The following OSBPL10 variants were observed in gnomAD, a reference collection of about 807,000 sequenced individuals.
OSBPL10 encodes oxysterol-binding protein-related protein 10.
In OSBPL10, 49 loss-of-function variants were observed where a neutral mutation model predicts 81.7. The observed-to-expected ratio is 0.60, with a 90% CI of 0.48 to 0.76. The LOEUF (loss-of-function observed/expected upper bound fraction) is 0.76, where lower values mean the gene tolerates loss of function less well. Ranked by LOEUF, OSBPL10 falls within the 30% of genes least tolerant of loss-of-function variation. OSBPL10 has a pLI of 0.00. For missense variants in OSBPL10, 923 were observed against 987.8 expected, an observed-to-expected ratio of 0.93 and a Z score of 0.88; for synonymous variants, 419 against 383.6, an observed-to-expected ratio of 1.09 and a Z score of -1.08.
At chr3:31,866,444 G>A (rs1701183909) in intron 3 of OSBPL10, among the ~76,000 whole-genome samples, 1 of 151,752 alleles carries the variant, frequency 6.6e-6, no homozygotes, top group Admixed American at 6.6e-5. Context: ...TTCAGGAAGA[G>A]AAGACACCCA....
chr3:31,812,778 G>GAA lies in OSBPL10; in HGVS notation c.729+17260_729+17261dup, dbSNP rs755390148. ...AGAAAGAAAGAAAGAAAGAAAGAAA[G>GAA]AAAGAAAGAAAGAAAGAAAGAAAGA... is the stretch of plus-strand genomic sequence containing the variant. On this transcript the variant is annotated intron_variant, in intron 4 of 11. Coordinates refer to ENST00000396556, the MANE Select transcript of OSBPL10 (RefSeq NM_017784.5). 7.8e-5 allele frequency among the ~76,000 whole-genome samples: 3 copies of GAA among 38,642 alleles called. No homozygotes were observed. The East Asian group carries it at 3.4e-3, about 44-fold the overall frequency. 25.4% of individuals were successfully genotyped at this position (38,642 alleles called of 152,430 possible).
intron 3 of OSBPL10, among the ~76,000 whole-genome samples, chr3:31,846,211 C>T (rs1302368587): frequency 5.3e-5 from 8 of 152,178 alleles, no homozygotes; most frequent in Non-Finnish European, 8.8e-5. Context: ...CAAGATCTCA[C>T]TATATTGCCC....
chr3:31,751,264 C>T lies in OSBPL10; in HGVS notation c.730-3144G>A, dbSNP rs1476328633. On this transcript the variant is annotated intron_variant, in intron 4 of 11. Coordinates refer to ENST00000396556, the MANE Select transcript of OSBPL10 (RefSeq NM_017784.5). ...TCAGGAGGCTGAGATGGGAGGATCT[C>T]TTGAGCCCAGGGGGTGGGGCTGCAG... Among the ~76,000 whole-genome samples the T allele has an allele frequency of 2.6e-5, 4 of 152,136 alleles. No homozygotes were observed. The East Asian group carries it at 7.7e-4, about 29-fold the overall frequency.
chr3:31,899,642 C>T, intron 1 of OSBPL10, among the ~76,000 whole-genome samples: 1 of 152,000 alleles, frequency 6.6e-6, no homozygotes, highest in Admixed American at 6.6e-5. Flanking sequence ...CCAGCCTGGG[C>T]AAATAGGAGA....
chr3:32,017,168 T>C (rs1699320408), intron 2 of OSBPL10, among the ~76,000 whole-genome samples: 1 of 152,238 alleles, frequency 6.6e-6, no homozygotes, highest in Non-Finnish European at 1.5e-5. Flanking sequence ...TAATTTCTTA[T>C]GAATGATTTC....
intron 3 of OSBPL10, among the ~76,000 whole-genome samples, chr3:31,864,729 C>A (rs1409918125): frequency 6.6e-6 from 1 of 151,964 alleles, no homozygotes; most frequent in Non-Finnish European, 1.5e-5. Flanking sequence ...AGGAACTGGA[C>A]CCGAAATGAG....
At chr3:32,022,961 G>A (rs1699373290) in intron 2 of OSBPL10, among the ~76,000 whole-genome samples, 1 of 152,084 alleles carries the variant, frequency 6.6e-6, no homozygotes, top group African/African-American at 2.4e-5. Context: ...TGACATCTGT[G>A]TGCCAGTGGA....
intron 1 of OSBPL10, among the ~76,000 whole-genome samples, chr3:31,919,214 C>T (rs1425645573): frequency 6.6e-6 from 1 of 152,214 alleles, no homozygotes; most frequent in Non-Finnish European, 1.5e-5. Flanking sequence ...CTATCATGAC[C>T]TTTATAATGC....
intron 1 of OSBPL10, among the ~76,000 whole-genome samples, chr3:31,905,345 ATTTTTT>A (rs386396290): frequency 6.3e-5 from 6 of 94,860 alleles, no homozygotes; most frequent in Non-Finnish European, 7.5e-5. Context: ...GAACCTGGTG[ATTTTTT>A]TTTTTTTTTT....
intron 10 of OSBPL10, among the ~76,000 whole-genome samples, 153 bp downstream of exon 10, chr3:31,668,489 C>T (rs1195647483): frequency 6.6e-6 from 1 of 152,192 alleles, no homozygotes; most frequent in Non-Finnish European, 1.5e-5. Context: ...AAGTGACACA[C>T]AGTAGAAAAT....
intron 4 of OSBPL10, among the ~76,000 whole-genome samples, chr3:31,748,564 T>C (rs908220652): frequency 1.3e-4 from 19 of 150,978 alleles, no homozygotes; most frequent in African/African-American, 4.6e-4. Context: ...AGTTCACGAA[T>C]TGGAAGGGAA....
At chr3:31,736,629 G>GA (rs1282752993) in intron 5 of OSBPL10, among the ~76,000 whole-genome samples, 1 of 152,194 alleles carries the variant, frequency 6.6e-6, no homozygotes, top group Non-Finnish European at 1.5e-5. Context: ...GGTGCTATTT[G>GA]AAAATTCTTT....
chr3:31,836,868 T>G (rs528979744), intron 3 of OSBPL10, among the ~76,000 whole-genome samples: 6 of 152,174 alleles, frequency 3.9e-5, no homozygotes, highest in Non-Finnish European at 7.3e-5. Flanking sequence ...AAAATTGTCT[T>G]TCTGCTGACA....
intron 1 of OSBPL10, among the ~76,000 whole-genome samples, chr3:31,965,286 C>T (rs1040877559): frequency 2.7e-5 from 4 of 147,720 alleles, no homozygotes; most frequent in East Asian, 2.0e-4. Flanking sequence ...AGGAGAATGG[C>T]GTGAACCCAG....
At chr3:31,915,915 G>A (rs572429037) in intron 1 of OSBPL10, among the ~76,000 whole-genome samples, 9 of 152,006 alleles carry the variant, frequency 5.9e-5, no homozygotes, top group Non-Finnish European at 7.4e-5. Flanking sequence ...CCAATACGGC[G>A]AAACCCCGTC....
chr3:32,003,695 T>C (rs1400596507), intron 2 of OSBPL10, among the ~76,000 whole-genome samples: 1 of 152,036 alleles, frequency 6.6e-6, no homozygotes, highest in Non-Finnish European at 1.5e-5. Flanking sequence ...AGGGCAAGGA[T>C]TTAATTGGTC....
intron 4 of OSBPL10, among the ~76,000 whole-genome samples, chr3:31,804,082 C>A (rs374195708): frequency 1.3e-5 from 2 of 152,166 alleles, no homozygotes; most frequent in African/African-American, 2.4e-5. Flanking sequence ...ATGGTTCTGA[C>A]CTGCAACAAT....
intron 3 of OSBPL10, among the ~76,000 whole-genome samples, chr3:31,856,315 T>G (rs1700912319): frequency 6.6e-6 from 1 of 152,244 alleles, no homozygotes; most frequent in Non-Finnish European, 1.5e-5. Flanking sequence ...TTGTGTTTTA[T>G]TTACTTAATT....
At chr3:31,861,822 T>A (rs1357964346) in intron 3 of OSBPL10, among the ~76,000 whole-genome samples, 1 of 152,218 alleles carries the variant, frequency 6.6e-6, no homozygotes, top group Non-Finnish European at 1.5e-5. Flanking sequence ...TCAGTGGTAC[T>A]TGGCCAGTAG....
Sources: allele counts gnomAD v4.1 joint callset (sites outside exome capture counted in the v4.1 genomes callset), GRCh38; gene constraint gnomAD v4.1.1; transcripts MANE v1.5; gene names NCBI Gene and HGNC (gene_info 2026-07-23, HGNC 2026-07-21).